Variants in ZNG1C observed in about 807,000 individuals in gnomAD.
The protein encoded by ZNG1C is Zn regulated GTPase metalloprotein activator 1C.
the ZNG1C span, among the ~76,000 whole-genome samples, chr9:68,281,309 C>T: frequency 5.9e-5 from 9 of 152,172 alleles, no homozygotes; most frequent in Non-Finnish European, 8.8e-5. Flanking sequence ...GCGTCTCTCA[C>T]GCTGGGAGCT....
At chr9:68,299,642 G>C in the ZNG1C span, 1 of 529,434 alleles carries the variant, frequency 1.9e-6, no homozygotes, top group South Asian at 2.3e-5. Flanking sequence ...GTTTCTACTG[G>C]GTATATTTCA....
chr9:68,291,274 T>C, the ZNG1C span, among the ~76,000 whole-genome samples: 10 of 82,578 alleles, frequency 1.2e-4, 1 homozygote, highest in Non-Finnish European at 1.6e-4. Context: ...TGTCTGTACA[T>C]TGTTATATAG....
At chr9:68,276,528 G>T in the ZNG1C span, among the ~76,000 whole-genome samples, 31 of 148,954 alleles carry the variant, frequency 2.1e-4, no homozygotes, top group African/African-American at 7.7e-4. Context: ...CATATGGCTA[G>T]CCGGTTTTCC....
At chr9:68,249,115 T>C in the ZNG1C span, 3 of 615,668 alleles carry the variant, frequency 4.9e-6, no homozygotes, top group Non-Finnish European at 8.5e-6. Context: ...GTTAATAGAA[T>C]TGGAAGTTTT....
the ZNG1C span, among the ~76,000 whole-genome samples, chr9:68,255,655 C>CA: frequency 6.8e-6 from 1 of 147,414 alleles, no homozygotes; most frequent in African/African-American, 2.5e-5. Flanking sequence ...TTAAAAATTA[C>CA]AAAATGATTT....
the ZNG1C span, chr9:68,299,178 C>A: frequency 1.5e-6 from 2 of 1,377,220 alleles, no homozygotes; most frequent in Non-Finnish European, 2.0e-6. Flanking sequence ...ACAGATTAAC[C>A]ATTCAGGTCC....
chr9:68,287,556 A>G, the ZNG1C span, among the ~76,000 whole-genome samples: 12 of 152,296 alleles, frequency 7.9e-5, no homozygotes, highest in African/African-American at 2.7e-4. Context: ...TTTAAAAAAA[A>G]CAAATGTATT....
At chr9:68,268,735 TA>T in the ZNG1C span, among the ~76,000 whole-genome samples, 1 of 152,162 alleles carries the variant, frequency 6.6e-6, no homozygotes, top group African/African-American at 2.4e-5. Context: ...GAGTGGAATA[TA>T]TGTGATTTAT....
the ZNG1C span, among the ~76,000 whole-genome samples, chr9:68,260,247 G>GTT: frequency 7.1e-5 from 9 of 126,470 alleles, no homozygotes; most frequent in Admixed American, 5.0e-4. Context: ...AAGACATTTT[G>GTT]TTTTTTTTTT....
the ZNG1C span, chr9:68,253,850 C>CT: frequency 1.6e-3 from 48 of 30,524 alleles, no homozygotes; most frequent in African/African-American, 4.1e-3. Context: ...CTTGAAGGCA[C>CT]TTTTTTTTTT....
the ZNG1C span, chr9:68,270,966 AT>A: frequency 2.0e-5 from 3 of 147,530 alleles, no homozygotes. Flanking sequence ...GTTTTGTTTT[AT>A]TTTTTGTTTT....
the ZNG1C span, among the ~76,000 whole-genome samples, chr9:68,296,573 G>A: frequency 6.6e-6 from 1 of 152,280 alleles, no homozygotes; most frequent in African/African-American, 2.4e-5. Context: ...CTGTAAGCCT[G>A]TATGATTATG....
chr9:68,294,200 GC>G, the ZNG1C span, among the ~76,000 whole-genome samples: 1 of 134,478 alleles, frequency 7.4e-6, no homozygotes, highest in African/African-American at 2.8e-5. Context: ...AAAGTTCATA[GC>G]CCTAAATGCC....
the ZNG1C span, among the ~76,000 whole-genome samples, chr9:68,296,854 T>G: frequency 2.0e-5 from 3 of 151,554 alleles, no homozygotes; most frequent in Non-Finnish European, 4.4e-5. Flanking sequence ...CTTCTGTTTC[T>G]TTAGGGTAGA....
chr9:68,274,370 C>G, the ZNG1C span: 1 of 160,952 alleles, frequency 6.2e-6, no homozygotes, highest in Non-Finnish European at 1.4e-5. Flanking sequence ...ACATGCAGCC[C>G]CATTCTGAAT....
chr9:68,249,232 A>G, the ZNG1C span, among the ~76,000 whole-genome samples: 2 of 151,470 alleles, frequency 1.3e-5, no homozygotes, highest in African/African-American at 4.9e-5. Context: ...CTTGGCATCC[A>G]TGGCGTATTA....
At chr9:68,280,319 T>TTA in the ZNG1C span, among the ~76,000 whole-genome samples, 1 of 151,024 alleles carries the variant, frequency 6.6e-6, no homozygotes, top group East Asian at 2.0e-4. Context: ...GTCAAAGTCA[T>TTA]TCTCCGTCCA....
the ZNG1C span, chr9:68,247,662 T>G: frequency 1.5e-6 from 2 of 1,339,430 alleles, no homozygotes; most frequent in Non-Finnish European, 2.1e-6. Flanking sequence ...GAGAGCTCTA[T>G]GAAGAGTGGC....
At chr9:68,281,186 T>A in the ZNG1C span, among the ~76,000 whole-genome samples, 2 of 152,146 alleles carry the variant, frequency 1.3e-5, no homozygotes, top group Admixed American at 6.5e-5. Flanking sequence ...TGCCTCGCCC[T>A]GCTTTGGCTC....
Sources: gnomAD v4.1 joint callset for allele counts (sites outside exome capture counted in the v4.1 genomes callset) on GRCh38, gnomAD v4.1.1 for gene constraint, MANE v1.5 for transcripts, NCBI Gene and HGNC (gene_info 2026-07-23, HGNC 2026-07-21) for gene names.